Variants in WNK3 observed in about 807,000 individuals in gnomAD.
WNK3 encodes serine/threonine-protein kinase WNK3.
Under a neutral mutation model 116.7 loss-of-function variants are expected in WNK3, and 18 were observed. The observed-to-expected ratio is 0.15, with a 90% CI of 0.11 to 0.23. The LOEUF (loss-of-function observed/expected upper bound fraction) is 0.23. Among genes scored for constraint, WNK3 ranks in the 10% least tolerant of loss-of-function variants. The probability of loss-of-function intolerance (pLI) is 1.00; values close to 1 mark genes in which losing one functional copy is unlikely to be tolerated. For missense variants in WNK3, 993 were observed against 1,323.8 expected, an observed-to-expected ratio of 0.75 and a Z score of 3.88; for synonymous variants, 404 against 469.4, an observed-to-expected ratio of 0.86 and a Z score of 1.80.
At chrX:54,278,993 G>A (rs1010963283) in intron 10 of WNK3, among the ~76,000 whole-genome samples, 35 of 111,095 alleles carry the variant, frequency 3.2e-4, no homozygotes, top group Non-Finnish European at 5.5e-4. Context: ...ACTTGAACCC[G>A]GGAGGCGGAG....
exon 17 of WNK3, chrX:54,249,131 T>C (rs782146970): frequency 1.7e-6 from 2 of 1,211,814 alleles, no homozygotes; most frequent in Middle Eastern, 2.3e-4. Flanking sequence ...GGAATGACTG[T>C]CTTAGGAGAA....
chrX:54,200,610 TAGTA>T (rs1267269293), intron 23 of WNK3, among the ~76,000 whole-genome samples: 1 of 111,508 alleles, frequency 9.0e-6, no homozygotes, highest in African/African-American at 3.3e-5. Context: ...GTCACACAAC[TAGTA>T]AGTGACTGAG....
At chrX:54,337,103 G>A (rs782583631) in intron 1 of WNK3, among the ~76,000 whole-genome samples, 20 of 111,144 alleles carry the variant, frequency 1.8e-4, no homozygotes, top group East Asian at 1.7e-3. Flanking sequence ...ATTCACCGAC[G>A]TTCCCCAAAT....
intron 1 of WNK3, among the ~76,000 whole-genome samples, chrX:54,341,795 G>A (rs782665958): frequency 3.8e-4 from 42 of 111,419 alleles, no homozygotes; most frequent in Admixed American, 2.3e-3. Flanking sequence ...TGGGGCATAG[G>A]AACAGGATTG....
chrX:54,299,448 T>TA (rs2068733289), intron 6 of WNK3, among the ~76,000 whole-genome samples: 1 of 91,191 alleles, frequency 1.1e-5, no homozygotes, highest in African/African-American at 6.7e-5. Context: ...TGTGTTTTGG[T>TA]GTTTTTTTTT....
intron 2 of WNK3, among the ~76,000 whole-genome samples, chrX:54,316,539 C>CAAAAAAAA (rs781865793): frequency 2.8e-5 from 1 of 35,525 alleles, no homozygotes; most frequent in Non-Finnish European, 5.4e-5. Context: ...GACTCCATCT[C>CAAAAAAAA]AAAAAAAAAA....
At chrX:54,317,421 G>A (rs2068972116) in intron 2 of WNK3, among the ~76,000 whole-genome samples, 1 of 110,394 alleles carries the variant, frequency 9.1e-6, no homozygotes, top group Admixed American at 9.8e-5. Flanking sequence ...GCCTCCCAAA[G>A]TAGCTGGGAT....
At chrX:54,257,166 T>G (rs1557155672) in intron 11 of WNK3, among the ~76,000 whole-genome samples, 1 of 110,986 alleles carries the variant, frequency 9.0e-6, no homozygotes, top group Admixed American at 9.6e-5. Context: ...CAATTCCCAG[T>G]CCAGAGGCAA....
exon 5 of WNK3, chrX:54,307,967 A>G (rs781864810): frequency 8.3e-7 from 1 of 1,207,503 alleles, no homozygotes; most frequent in Non-Finnish European, 1.1e-6. Context: ...GACACTCAGA[A>G]TAAGGATACT....
intron 10 of WNK3, among the ~76,000 whole-genome samples, chrX:54,286,148 T>C (rs1045536608): frequency 1.3e-4 from 14 of 109,462 alleles, no homozygotes; most frequent in African/African-American, 4.3e-4. Flanking sequence ...AGAATGAACA[T>C]TAAAATCCAA....
At chrX:54,287,104 A>G (rs1179715372) in intron 10 of WNK3, among the ~76,000 whole-genome samples, 1 of 110,892 alleles carries the variant, frequency 9.0e-6, no homozygotes, top group Non-Finnish European at 1.9e-5. Flanking sequence ...ACCTCTATGA[A>G]CCTCAGTTTC....
At chrX:54,336,139 A>C (rs1298773325) in intron 1 of WNK3, among the ~76,000 whole-genome samples, 1 of 111,381 alleles carries the variant, frequency 9.0e-6, no homozygotes, top group Non-Finnish European at 1.9e-5. Context: ...AATACAAAAA[A>C]TTAACCAGGC....
intron 22 of WNK3, among the ~76,000 whole-genome samples, chrX:54,224,738 T>G (rs1244888398): frequency 3.7e-5 from 4 of 109,400 alleles, no homozygotes; most frequent in Non-Finnish European, 7.6e-5. Flanking sequence ...CTGGGCTAAT[T>G]TTTTGTATTT....
chrX:54,304,226 C>A (rs1235081263), intron 5 of WNK3, among the ~76,000 whole-genome samples: 1 of 110,491 alleles, frequency 9.1e-6, no homozygotes, highest in Non-Finnish European at 1.9e-5. Context: ...CAGATAAGAA[C>A]CTTTTAAAAA....
chrX:54,215,363 G>A (rs1382887929), intron 22 of WNK3, among the ~76,000 whole-genome samples: 3 of 111,837 alleles, frequency 2.7e-5, no homozygotes, highest in Non-Finnish European at 3.8e-5. Flanking sequence ...ACTGGTTTTC[G>A]TATTTTTTGG....
intron 1 of WNK3, among the ~76,000 whole-genome samples, chrX:54,346,772 A>C (rs1209551955): frequency 2.7e-5 from 3 of 111,636 alleles, no homozygotes; most frequent in African/African-American, 6.5e-5. Context: ...ATACACATAT[A>C]AAATATTTAG....
upstream of WNK3, among the ~76,000 whole-genome samples, chrX:54,358,853 A>T (rs2069637248): frequency 8.9e-6 from 1 of 112,504 alleles, no homozygotes; most frequent in Admixed American, 9.3e-5. Context: ...TAGGCCTCTG[A>T]CCGGGAGGGG....
At position 54,232,783 on chromosome X, in the gene WNK3, A is replaced by T. The variant is rs781964444; in HGVS notation, c.4840+26T>A. On this transcript the variant is annotated intron_variant, in intron 21 of 23. Transcript: ENST00000354646. The stretch of plus-strand genomic sequence containing the variant: ...TTGCTAATCTTGGACTAGATTTTTT[A>T]AAAATTACTTTTATGACTGATTTAC... 1.3e-5 allele frequency: 15 copies of T among 1,168,146 alleles called. No individual in the cohort carries two copies. The Middle Eastern group carries it at 7.1e-4, about 56-fold the overall frequency.
At chrX:54,308,123 C>T (rs782539247) in intron 4 of WNK3, 44 bp from the exon 5 acceptor site, 6 of 1,056,371 alleles carry the variant, frequency 5.7e-6, no homozygotes, top group South Asian at 5.0e-5. Context: ...AAGAGAAAAA[C>T]GTATCCACCA....
Sources: gnomAD v4.1 joint callset for allele counts (sites outside exome capture counted in the v4.1 genomes callset) on GRCh38, gnomAD v4.1.1 for gene constraint, MANE v1.5 for transcripts, NCBI Gene and HGNC (gene_info 2026-07-23, HGNC 2026-07-21) for gene names.